Variants in JPH3 observed in about 807,000 individuals in gnomAD.
JPH3 encodes junctophilin-3.
In JPH3, 11 loss-of-function variants were observed where a neutral mutation model predicts 59.6. The ratio of observed to expected loss-of-function variants is 0.18; its 90% CI spans 0.12 to 0.31. The LOEUF (loss-of-function observed/expected upper bound fraction) is 0.31. JPH3 is among the 10% of genes least tolerant of loss of function. JPH3 has a pLI of 1.00. For missense variants in JPH3, 1,202 were observed against 1,105.7 expected (o/e 1.09, Z -1.24); for synonymous variants, 673 against 483.6 (o/e 1.39, Z -5.14).
chr16:87,602,980 G>C lies in JPH3; in HGVS notation c.-167G>C. On this transcript the variant is annotated 5_prime_UTR_variant, in exon 1 of 5. Coordinates refer to ENST00000284262, the MANE Select transcript of JPH3 (RefSeq NM_020655.4). ...GCCCCCGATTGACTGAAATTCCTCC[G>C]GAGCCGGCGCCGCGGCCGCCCGCGC... 1 of 661,384 alleles carries C rather than the reference G, an allele frequency of 1.5e-6. No homozygotes were observed. The highest frequency in any genetic ancestry group is 2.5e-6 in the Non-Finnish European group (1 of 405,836). The allele number at this position is 661,384 out of a possible 1,614,324, so 41.0% of individuals were successfully genotyped here.
At chr16:87,695,158 G>C (rs987699079) in intron 4 of JPH3, 11 of 367,988 alleles carry the variant, frequency 3.0e-5, no homozygotes, top group South Asian at 1.6e-4. Flanking sequence ...CGTTGTGGGT[G>C]GGGGGAAGGG....
intron 2 of JPH3, among the ~76,000 whole-genome samples, chr16:87,677,947 C>G (rs1180138285): frequency 6.6e-6 from 1 of 152,190 alleles, no homozygotes; most frequent in Admixed American, 6.5e-5. Flanking sequence ...CACGAAGGAA[C>G]TGAACATTAA....
chr16:87,640,950 C>G (rs1013183146), intron 1 of JPH3, among the ~76,000 whole-genome samples: 2 of 152,178 alleles, frequency 1.3e-5, no homozygotes, highest in South Asian at 2.1e-4. Context: ...TAAAGGGCCA[C>G]CCCCTGAGAC....
Position 87,644,432 on chromosome 16 carries a change from C to T in JPH3, c.557C>T (p.Ala186Val), listed in dbSNP as rs142120839. The T allele has an allele frequency of 1.2e-5, 20 of 1,611,910 alleles. No homozygotes were observed. The highest frequency in any genetic ancestry group is 2.2e-5 in the East Asian group (1 of 44,862). The change falls in exon 2 of 5, where the codon GCC becomes GTC. Residue 186 changes from alanine to valine, a missense_variant. Transcript: ENST00000284262. ...CATCCCGACGCCTCTCCGGCGGTGG[C>T]CGGCAGCCCGGCCGTGTCCCGCGGG... ...ALHPDASPAV[A>V]GSPAVSRGGF... is the part of the protein sequence containing the mutation.
intron 1 of JPH3, among the ~76,000 whole-genome samples, chr16:87,606,520 C>T (rs1444149081): frequency 6.6e-6 from 1 of 152,180 alleles, no homozygotes; most frequent in Non-Finnish European, 1.5e-5. Context: ...TGCTTCCAGT[C>T]ACAACCCCAG....
intron 2 of JPH3, among the ~76,000 whole-genome samples, chr16:87,681,011 G>A (rs2033275203): frequency 6.6e-6 from 1 of 152,264 alleles, no homozygotes; most frequent in East Asian, 1.9e-4. Flanking sequence ...CTGAACAGCC[G>A]GGGAAGTGAA....
At chr16:87,621,230 T>C (rs2031174294) in intron 1 of JPH3, among the ~76,000 whole-genome samples, 1 of 152,238 alleles carries the variant, frequency 6.6e-6, no homozygotes, top group Non-Finnish European at 1.5e-5. Context: ...CCCTGGCAGC[T>C]GGACCCGACT....
At position 87,689,821 on chromosome 16, in the gene JPH3, C is replaced by T. The variant is rs778770345; in HGVS notation, c.1461C>T (p.Thr487=). ...GCTTCCCCACCAGCCCCGCGGCCAC[C>T]CCGCCGCCCGCGCCCGCCGCCAGGA... ...LQSFPTSPAA[T]PPPAPAARNK... Residue 487 remains threonine (T), a synonymous_variant, in exon 4 of 5, where the codon ACC becomes ACT. Coordinates refer to ENST00000284262, the MANE Select transcript of JPH3 (RefSeq NM_020655.4). The T allele has an allele frequency of 2.6e-6, 4 of 1,564,768 alleles. No individual in the cohort carries two copies. Among genetic ancestry groups the T allele is most frequent in the Non-Finnish European group, 3.5e-6 (4 of 1,156,708 alleles).
chr16:87,626,792 G>A (rs973863755), intron 1 of JPH3, among the ~76,000 whole-genome samples: 1 of 152,214 alleles, frequency 6.6e-6, no homozygotes, highest in African/African-American at 2.4e-5. Context: ...AAGAGAAGAC[G>A]TGAGCTTCAC....
In JPH3 at chr16:87,645,039, GGAGGGC is replaced by G; in HGVS notation, c.1160+10_1160+15del. The G allele has an allele frequency of 1.3e-6, 2 of 1,597,678 alleles. No individual in the cohort carries two copies. Among genetic ancestry groups the G allele is most frequent in the Non-Finnish European group, 1.7e-6 (2 of 1,177,372 alleles). ...AGGCTGAGATCGCGGCTTCCAGGTA[GGAGGGC>G]GAGGGGGCGGGGGGCCCTTCTTGGT... On this transcript the variant is annotated splice_donor_5th_base_variant and intron_variant, in intron 2 of 4. Transcript: ENST00000284262.
intron 3 of JPH3, among the ~76,000 whole-genome samples, chr16:87,686,005 C>T (rs184897322): frequency 2.0e-5 from 3 of 152,248 alleles, no homozygotes; most frequent in African/African-American, 7.2e-5. Context: ...TTAGAAGAGA[C>T]AGAAGAGGAG....
At chr16:87,686,834 C>T (rs113174372) in intron 3 of JPH3, among the ~76,000 whole-genome samples, 1,817 of 152,344 alleles carry the variant, frequency 0.012, 41 homozygotes, top group African/African-American at 0.041. Flanking sequence ...ATGCGGGCCC[C>T]TGTGGGGGCC....
intron 2 of JPH3, among the ~76,000 whole-genome samples, chr16:87,676,021 G>C (rs1457860779): frequency 6.6e-6 from 1 of 152,272 alleles, no homozygotes; most frequent in Non-Finnish European, 1.5e-5. Flanking sequence ...GCAGCTGATG[G>C]ATATGGGGTT....
At chr16:87,690,563 C>G in intron 4 of JPH3, 37 bp downstream of exon 4, 4 of 1,436,590 alleles carry the variant, frequency 2.8e-6, no homozygotes, top group Non-Finnish European at 2.7e-6. Flanking sequence ...CCAGTGGAGG[C>G]AACATCCACC....
At chr16:87,653,999 C>CT (rs2032410646) in intron 2 of JPH3, 1 of 152,256 alleles carries the variant, frequency 6.6e-6, no homozygotes, top group Non-Finnish European at 1.5e-5. Flanking sequence ...TCTGATCACT[C>CT]TACTCCATTG....
intron 2 of JPH3, among the ~76,000 whole-genome samples, chr16:87,667,999 C>T (rs934909169): frequency 8.5e-5 from 13 of 152,306 alleles, no homozygotes; most frequent in South Asian, 2.1e-4. Context: ...TCTGAACAGG[C>T]TCTGTGGCTT....
intron 2 of JPH3, among the ~76,000 whole-genome samples, chr16:87,670,250 G>C (rs1262494247): frequency 6.6e-6 from 1 of 152,170 alleles, no homozygotes; most frequent in African/African-American, 2.4e-5. Flanking sequence ...AGCATTGCTG[G>C]AATGTGTCAG....
intron 2 of JPH3, among the ~76,000 whole-genome samples, chr16:87,659,234 G>A (rs573806321): frequency 1.6e-4 from 24 of 151,990 alleles, no homozygotes; most frequent in African/African-American, 5.1e-4. Context: ...AAATTCAGCC[G>A]GGTATGGTGG....
rs141234480 is a variant in JPH3, at chr16:87,656,676, A to G, written c.1160+11641A>G. 1.4e-3 allele frequency among the ~76,000 whole-genome samples: 211 copies of G among 152,308 alleles called. 1 individual carries two copies. Among genetic ancestry groups the G allele is most frequent in the African/African-American group, 4.9e-3 (202 of 41,574 alleles). On this transcript the variant is annotated intron_variant, in intron 2 of 4. Transcript: ENST00000284262. ...TGCAGCTGGCGGGTCAGGGGCAGTT[A>G]GGACAGAGGACGAGGAGGAACGGGG...
Sources: allele counts gnomAD v4.1 joint callset (sites outside exome capture counted in the v4.1 genomes callset), GRCh38; gene constraint gnomAD v4.1.1; transcripts MANE v1.5; gene names NCBI Gene and HGNC (gene_info 2026-07-23, HGNC 2026-07-21).